LONRF1: variants seen among roughly 807,000 people sequenced by gnomAD.
The protein encoded by LONRF1 is LON peptidase N-terminal domain and RING finger protein 1.
In LONRF1, 37 loss-of-function variants were observed where a neutral mutation model predicts 85.8. The observed-to-expected ratio is 0.43, with a 90% CI of 0.33 to 0.57. LONRF1 has a LOEUF of 0.57. Ranked by LOEUF, LONRF1 falls within the 20% of genes least tolerant of loss-of-function variation. The probability of loss-of-function intolerance (pLI) is 0.04; values close to 1 mark genes in which losing one functional copy is unlikely to be tolerated. For synonymous variants in LONRF1, 517 were observed against 390.1 expected (o/e 1.33, Z -3.83); for missense variants, 1,036 against 978.0 (o/e 1.06, Z -0.79).
intron 10 of LONRF1, among the ~76,000 whole-genome samples, chr8:12,728,494 C>T (rs1798404686): frequency 6.6e-6 from 1 of 152,196 alleles, no homozygotes; most frequent in South Asian, 2.1e-4. Flanking sequence ...CTACTAATTC[C>T]ATCGGCTTCA....
chr8:12,732,057 T>G (rs1236376893), intron 7 of LONRF1, among the ~76,000 whole-genome samples, 200 bp from the exon 8 acceptor site: 1 of 152,202 alleles, frequency 6.6e-6, no homozygotes, highest in African/African-American at 2.4e-5. Flanking sequence ...GTAAAGATAG[T>G]TGGCTGCAAC....
At chr8:12,747,057 G>C (rs1036194522) in intron 1 of LONRF1, among the ~76,000 whole-genome samples, 3 of 152,144 alleles carry the variant, frequency 2.0e-5, no homozygotes, top group Non-Finnish European at 4.4e-5. Flanking sequence ...TTTATCCTCA[G>C]ATCCTGGCTT....
chr8:12,748,806 A>AT (rs1799265406), intron 1 of LONRF1, among the ~76,000 whole-genome samples: 1 of 15,536 alleles, frequency 6.4e-5, no homozygotes, highest in African/African-American at 9.1e-5. Context: ...CCAGAATATC[A>AT]ATTTTTTTTT....
chr8:12,732,241 T>A (rs1433681309), intron 7 of LONRF1, among the ~76,000 whole-genome samples: 1 of 152,176 alleles, frequency 6.6e-6, no homozygotes, highest in Non-Finnish European at 1.5e-5. Flanking sequence ...AAGGAATAAA[T>A]AAAATAACAC....
chr8:12,749,113 G>A (rs1002318433), intron 1 of LONRF1, among the ~76,000 whole-genome samples: 1 of 152,150 alleles, frequency 6.6e-6, no homozygotes, highest in African/African-American at 2.4e-5. Context: ...CCAAACCTAA[G>A]ACATACATGC....
intron 7 of LONRF1, among the ~76,000 whole-genome samples, chr8:12,733,835 A>C (rs935795543): frequency 5.9e-5 from 9 of 152,200 alleles, no homozygotes; most frequent in African/African-American, 1.9e-4. Context: ...ACAGCATACC[A>C]ATCTTTTTTA....
chr8:12,726,260 T>C (rs1305973098), intron 10 of LONRF1, among the ~76,000 whole-genome samples: 2 of 152,184 alleles, frequency 1.3e-5, no homozygotes, highest in Admixed American at 6.5e-5. Flanking sequence ...AAGTGGATGA[T>C]AGTTGCTACA....
intron 1 of LONRF1, among the ~76,000 whole-genome samples, chr8:12,748,806 A>AGTTT (rs1799265406): frequency 6.4e-5 from 1 of 15,536 alleles, no homozygotes; most frequent in African/African-American, 9.1e-5. Flanking sequence ...CCAGAATATC[A>AGTTT]ATTTTTTTTT....
intron 1 of LONRF1, among the ~76,000 whole-genome samples, chr8:12,746,736 G>A (rs1240009229): frequency 6.6e-6 from 1 of 152,164 alleles, no homozygotes; most frequent in Non-Finnish European, 1.5e-5. Flanking sequence ...ATAGAAAACA[G>A]TGAAGAGTAT....
At chr8:12,745,046 C>A (rs530245658) in intron 1 of LONRF1, among the ~76,000 whole-genome samples, 17 of 152,104 alleles carry the variant, frequency 1.1e-4, no homozygotes, top group Non-Finnish European at 2.2e-4. Context: ...CTCAGAAGAC[C>A]CGTCTTTGAA....
At chr8:12,735,514 C>A in intron 6 of LONRF1, 114 bp from the exon 7 acceptor site, 2 of 691,732 alleles carry the variant, frequency 2.9e-6, no homozygotes, top group African/African-American at 1.8e-5. Context: ...AAGGAGGGCC[C>A]AGCAGGCAGG....
chr8:12,732,985 G>A (rs879676829), intron 7 of LONRF1, among the ~76,000 whole-genome samples: 3 of 152,154 alleles, frequency 2.0e-5, no homozygotes, highest in African/African-American at 2.4e-5. Flanking sequence ...AATGCGAGAG[G>A]TTGGGAAACT....
At chr8:12,737,416 G>C in intron 4 of LONRF1, 1 of 597,636 alleles carries the variant, frequency 1.7e-6, no homozygotes, top group South Asian at 1.6e-5. Flanking sequence ...CTTTTTTCTT[G>C]TCATTATTCC....
Position 12,729,035 on chromosome 8 carries a change from T to C in LONRF1, c.1876A>G (p.Ile626Val). 6.2e-7 allele frequency: 1 copy of C among 1,614,078 alleles called. No individual in the cohort carries two copies. Among genetic ancestry groups the C allele is most frequent in the South Asian group, 1.1e-5 (1 of 91,078 alleles). Residue 626 changes from isoleucine (I) to valine (V), a missense_variant, in exon 10 of 12, where the codon ATT becomes GTT. By Grantham distance (29) the Ile-to-Val change is conservative. This residue lies in a region of LONRF1 where 265 missense variants were observed against 301.5 expected (regional missense o/e 0.88). Transcript: ENST00000398246. ...TCCGGTAAGAAATGCACGTTTCTAA[T>C]TTGTAACATACAACCATAATCTGCA... ...SFADYGCMLQ[I>V]RNVHFLPDGR...
In LONRF1 at chr8:12,738,129, A is replaced by G. The variant is rs1280989193; in HGVS notation, c.979T>C (p.Leu327=). 1 of 1,564,180 alleles carries G rather than the reference A, an allele frequency of 6.4e-7. No homozygotes were observed. Among genetic ancestry groups the G allele is most frequent in the African/African-American group, 1.4e-5 (1 of 73,248 alleles). ...LQVQKILCDL[L]LPENLKEGLK... ...CCTTCTTTTAAGTTTTCAGGTAATA[A>G]TAAATCACATAAAATCTGTAAGAGA... The change falls in exon 4 of 12, where the codon TTA becomes CTA. Residue 327 remains leucine (L), a synonymous_variant. Coordinates refer to ENST00000398246, the MANE Select transcript of LONRF1 (RefSeq NM_152271.5).
intron 1 of LONRF1, among the ~76,000 whole-genome samples, chr8:12,750,795 T>A (rs1242561454): frequency 3.3e-5 from 5 of 152,218 alleles, no homozygotes; most frequent in Non-Finnish European, 7.3e-5. Flanking sequence ...ATGTAATTGT[T>A]ACTCTCTACC....
At position 12,734,681 on chromosome 8, in the gene LONRF1, C is replaced by G. The variant is rs1798652198; in HGVS notation, c.1566+605G>C. 2.0e-5 allele frequency among the ~76,000 whole-genome samples: 3 copies of G among 152,174 alleles called. No homozygotes were observed. The South Asian group carries it at 6.2e-4, about 32-fold the overall frequency. ...GAAGCTGTACCTCCCTCTCTTCTTT[C>G]CAATCTACCACTTTTCTAGAGCTGC... On this transcript the variant is annotated intron_variant, in intron 7 of 11. Coordinates refer to ENST00000398246, the MANE Select transcript of LONRF1 (RefSeq NM_152271.5).
At chr8:12,738,562 T>C (rs1249859608) in intron 3 of LONRF1, 1 of 152,712 alleles carries the variant, frequency 6.5e-6, no homozygotes, top group Non-Finnish European at 1.5e-5. Context: ...GAACTACACT[T>C]GGACTTCTAA....
chr8:12,730,984 G>A (rs374677639), intron 8 of LONRF1, among the ~76,000 whole-genome samples: 1 of 151,918 alleles, frequency 6.6e-6, no homozygotes, highest in East Asian at 1.9e-4. Context: ...TTAAAAGAGA[G>A]TAAAAGAAAT....
Sources: gnomAD v4.1 joint callset for allele counts (sites outside exome capture counted in the v4.1 genomes callset) on GRCh38, gnomAD v4.1.1 for gene constraint, gnomAD v4.1.1 regional missense constraint, MANE v1.5 for transcripts, NCBI Gene and HGNC (gene_info 2026-07-23, HGNC 2026-07-21) for gene names.